NKD2: variants seen among roughly 807,000 people sequenced by gnomAD.
NKD2 encodes NKD inhibitor of Wnt signaling pathway 2.
Under a neutral mutation model 34.8 loss-of-function variants are expected in NKD2, and 43 were observed. The observed-to-expected ratio is 1.24, with a 90% CI of 0.97 to 1.60. The LOEUF is 1.60. Ranked by LOEUF, NKD2 falls within the 40% of genes most tolerant of loss-of-function variation. The pLI is 0.00. For synonymous variants in NKD2, 278 were observed against 265.1 expected (o/e 1.05, Z -0.47); for missense variants, 675 against 627.1 (o/e 1.08, Z -0.82).
intron 3 of NKD2, among the ~76,000 whole-genome samples, chr5:1,019,821 C>T (rs964945554): frequency 6.6e-6 from 1 of 152,052 alleles, no homozygotes; most frequent in Non-Finnish European, 1.5e-5. Context: ...AAATAGGAAA[C>T]ATGAGGCTTT....
intron 3 of NKD2, among the ~76,000 whole-genome samples, chr5:1,021,843 A>G (rs1756203104): frequency 6.6e-6 from 1 of 152,048 alleles, no homozygotes; most frequent in Non-Finnish European, 1.5e-5. Flanking sequence ...CCCAGCAGGG[A>G]TAAGGCGGAT....
chr5:1,029,633 T>C (rs563177842), intron 3 of NKD2, among the ~76,000 whole-genome samples: 2 of 152,144 alleles, frequency 1.3e-5, no homozygotes, highest in African/African-American at 4.8e-5. Flanking sequence ...ATGCGTGGAG[T>C]GCGTGATGTG....
intron 3 of NKD2, among the ~76,000 whole-genome samples, chr5:1,012,163 C>G (rs922042899): frequency 1.3e-5 from 2 of 152,256 alleles, no homozygotes; most frequent in Admixed American, 1.3e-4. Flanking sequence ...ATTTCTACAG[C>G]GCTCCCTGAG....
chr5:1,009,671 C>T lies in NKD2; in HGVS notation c.141+111C>T. The T allele has an allele frequency of 1.1e-6, 1 of 882,442 alleles. No individual in the cohort carries two copies. The highest frequency in any genetic ancestry group is 2.2e-5 in the South Asian group (1 of 45,092). 54.7% of individuals were successfully genotyped at this position (882,442 alleles called of 1,614,324 possible). ...CGCGGACAGGCGAGACGTGGGCCGC[C>T]ATGGCCGCACGAGTGACCGGGGGCC... On this transcript the variant is annotated intron_variant, in intron 3 of 9. Transcript: ENST00000296849. This position sits in a 1 kb window ranked among gnomAD's most constrained non-coding sequence, Gnocchi z 6.9.
chr5:1,026,192 C>T (rs1193716931), intron 3 of NKD2, among the ~76,000 whole-genome samples: 3 of 53,138 alleles, frequency 5.6e-5, no homozygotes, highest in Non-Finnish European at 9.7e-5. Flanking sequence ...CTCTTCCCAC[C>T]CTCTGTGGGC....
intron 3 of NKD2, among the ~76,000 whole-genome samples, chr5:1,028,331 C>T (rs1344412138): frequency 6.6e-6 from 1 of 152,222 alleles, no homozygotes; most frequent in Non-Finnish European, 1.5e-5. Flanking sequence ...CGCCGTGTGA[C>T]AGACGCCTGC....
In NKD2 at chr5:1,009,633, C is replaced by G; in HGVS notation, c.141+73C>G. ...GGCGGGGAGCGGTGTCAGAGCTGTT[C>G]CTGGTGCCCGCCCGCGGACAGGCGA... On this transcript the variant is annotated intron_variant, in intron 3 of 9. Coordinates refer to ENST00000296849, the MANE Select transcript of NKD2 (RefSeq NM_033120.4). The surrounding 1 kb of genome is among the most constrained non-coding windows in gnomAD (Gnocchi z 6.9). 8.1e-7 allele frequency: 1 copy of G among 1,235,220 alleles called. No homozygotes were observed. Among genetic ancestry groups the G allele is most frequent in the South Asian group, 1.8e-5 (1 of 54,472 alleles). The allele number at this position is 1,235,220 out of a possible 1,614,324, so 76.5% of individuals were successfully genotyped here. A position where few individuals can be genotyped will look rare whatever the true frequency, so the allele number is the denominator to read the frequency against.
Position 1,009,549 on chromosome 5 carries a change from C to G in NKD2, c.130C>G (p.Arg44Gly). ...CGCGGAGGAAGCGGAGCGGCGCGCG[C>G]GGGACAAGCAGGTAGGCGGCGGGGC... is the stretch of plus-strand genomic sequence containing the variant. ...KGAEEAERRA[R>G]DKQELPNGDP... Residue 44 changes from arginine (R) to glycine (G), a missense_variant, in exon 3 of 10, where the codon CGG (arginine) becomes GGG (glycine). Physicochemically the swap from Arg to Gly is moderately radical, Grantham distance 125. Coordinates refer to ENST00000296849, the MANE Select transcript of NKD2 (RefSeq NM_033120.4). This position sits in a 1 kb window ranked among gnomAD's most constrained non-coding sequence, Gnocchi z 6.9. 1 of 1,490,426 alleles carries G rather than the reference C, an allele frequency of 6.7e-7. No homozygotes were observed. The highest frequency in any genetic ancestry group is 8.9e-7 in the Non-Finnish European group (1 of 1,129,142). 92.3% of individuals were successfully genotyped at this position (1,490,426 alleles called of 1,614,324 possible).
At chr5:1,036,857 C>T (rs1213349289) in intron 9 of NKD2, 1 of 451,430 alleles carries the variant, frequency 2.2e-6, no homozygotes, top group African/African-American at 2.1e-5. Flanking sequence ...CGACAGCAGG[C>T]AGTGTGGATG....
At chr5:1,010,099 C>G (rs1470327764) in intron 3 of NKD2, among the ~76,000 whole-genome samples, 1 of 152,164 alleles carries the variant, frequency 6.6e-6, no homozygotes, top group Non-Finnish European at 1.5e-5. Context: ...AGAGGGACAT[C>G]TGCACAGCTG....
intron 3 of NKD2, among the ~76,000 whole-genome samples, chr5:1,020,257 T>C (rs996060403): frequency 1.1e-4 from 17 of 152,202 alleles, no homozygotes; most frequent in African/African-American, 3.6e-4. Flanking sequence ...GCCTCTATTA[T>C]CTGGGCAGGG....
At chr5:1,018,061 C>G (rs1579251451) in intron 3 of NKD2, among the ~76,000 whole-genome samples, 1 of 151,970 alleles carries the variant, frequency 6.6e-6, no homozygotes, top group Non-Finnish European at 1.5e-5. Context: ...TGCAAAGGCC[C>G]TGAGGCAGGA....
Position 1,037,940 on chromosome 5 carries a change from C to T in NKD2, c.923C>T (p.Pro308Leu). ...RSQVLVEHVV[P>L]ASEPAARALD... ...CAGGTGCTGGTGGAACACGTCGTGC[C>T]AGCCTCGGAGCCTGCTGCCCGGGCC... Residue 308 changes from proline to leucine, a missense_variant, in exon 10 of 10, where the codon CCA (proline) becomes CTA (leucine). Coordinates refer to ENST00000296849, the MANE Select transcript of NKD2 (RefSeq NM_033120.4). 6.2e-7 allele frequency: 1 copy of T among 1,607,136 alleles called. No individual in the cohort carries two copies. Among genetic ancestry groups the T allele is most frequent in the South Asian group, 1.1e-5 (1 of 90,678 alleles).
At chr5:1,019,583 G>A (rs547444158) in intron 3 of NKD2, among the ~76,000 whole-genome samples, 44 of 152,298 alleles carry the variant, frequency 2.9e-4, no homozygotes, top group East Asian at 2.1e-3. Flanking sequence ...GGCATGCGAC[G>A]GGGGTGCTTT....
chr5:1,020,645 T>A (rs1272474261), intron 3 of NKD2, among the ~76,000 whole-genome samples: 1 of 151,116 alleles, frequency 6.6e-6, no homozygotes. Flanking sequence ...AAAAGCCAGG[T>A]CTTGCTGACC....
chr5:1,035,560 G>A, intron 8 of NKD2, 87 bp downstream of exon 8: 2 of 1,034,480 alleles, frequency 1.9e-6, no homozygotes, highest in Non-Finnish European at 2.9e-6. Context: ...ACAGGCCACA[G>A]GCCACACACC....
chr5:1,027,449 C>T (rs1350569641), intron 3 of NKD2, among the ~76,000 whole-genome samples: 1 of 152,174 alleles, frequency 6.6e-6, no homozygotes, highest in Non-Finnish European at 1.5e-5. Flanking sequence ...GCCCGACACG[C>T]CCACCCAGTT....
chr5:1,013,034 G>A (rs1304862641), intron 3 of NKD2, among the ~76,000 whole-genome samples: 1 of 152,262 alleles, frequency 6.6e-6, no homozygotes, highest in Non-Finnish European at 1.5e-5. Context: ...CAGAGACAAG[G>A]CAGTGTGGAC....
In NKD2 at chr5:1,008,921, G is replaced by A. The variant is rs1755631545; in HGVS notation, c.-137G>A. On this transcript the variant is annotated 5_prime_UTR_variant, in exon 1 of 10. It adds an upstream start codon to the 5' untranslated region. Coordinates refer to ENST00000296849, the MANE Select transcript of NKD2 (RefSeq NM_033120.4). ...CTGGCTCCCCCGGCCCCCGCGCGGC[G>A]TGGAGCCATCTTCCCTCACCTCCTA... is the stretch of plus-strand genomic sequence containing the variant. The A allele has an allele frequency of 1.0e-5, 4 of 382,282 alleles. No individual in the cohort carries two copies. In the East Asian group the frequency reaches 1.5e-4, roughly 14 times the overall value. The allele number at this position is 382,282 out of a possible 1,614,324, so 23.7% of individuals were successfully genotyped here.
Sources: gnomAD v4.1 joint callset for allele counts (sites outside exome capture counted in the v4.1 genomes callset) on GRCh38, gnomAD v4.1.1 for gene constraint, Gnocchi (gnomAD v3.1) non-coding constraint, MANE v1.5 for transcripts, NCBI Gene and HGNC (gene_info 2026-07-23, HGNC 2026-07-21) for gene names.